Variants in MYH9 observed in about 807,000 individuals in gnomAD.
MYH9 encodes the protein myosin heavy chain 9.
MYH9 carries 29 observed loss-of-function variants against 241.9 expected under a neutral mutation model. That is an observed-to-expected ratio of 0.12 (90% CI 0.09 to 0.16). The LOEUF (loss-of-function observed/expected upper bound fraction) is 0.16. Ranked by LOEUF, MYH9 falls within the 10% of genes least tolerant of loss-of-function variation. The pLI, the probability that MYH9 is intolerant of heterozygous loss-of-function variation, is 1.00. For missense variants in MYH9, 1,803 were observed against 2,595.5 expected (o/e 0.69, Z 6.63); for synonymous variants, 1,047 against 1,062.6 (o/e 0.99, Z 0.29).
At chr22:36,371,725 C>G (rs1051021528) in intron 1 of MYH9, among the ~76,000 whole-genome samples, 1 of 151,910 alleles carries the variant, frequency 6.6e-6, no homozygotes, top group Non-Finnish European at 1.5e-5. Flanking sequence ...TTAGTAGAGA[C>G]GGTTTCACCA....
intron 3 of MYH9, among the ~76,000 whole-genome samples, chr22:36,335,167 T>C (rs2017479305): frequency 6.6e-6 from 1 of 152,164 alleles, no homozygotes; most frequent in African/African-American, 2.4e-5. Context: ...TGCCTGTCTC[T>C]GAGCACGAAA....
At chr22:36,284,314 G>T in intron 39 of MYH9, 49 bp from the exon 40 acceptor site, 1 of 1,603,452 alleles carries the variant, frequency 6.2e-7, no homozygotes. Context: ...GGCTCTGGGC[G>T]TGCAGCCAGT....
In MYH9 at chr22:36,346,469, C is replaced by G. The variant is rs746272198; in HGVS notation, c.333+2435G>C. ...CACACAGAAAATTAAACGGCTGACC[C>G]TTTCAGAGCTGCTGTCTCTGTAACA... On this transcript the variant is annotated intron_variant, in intron 2 of 40. Transcript: ENST00000216181. Among the ~76,000 whole-genome samples the G allele has an allele frequency of 4.6e-5, 7 of 152,306 alleles. No homozygotes were observed. In the South Asian group the frequency reaches 1.2e-3, roughly 27 times the overall value.
intron 15 of MYH9, 29 bp downstream of exon 15, chr22:36,309,253 A>C (rs1171102000): frequency 6.3e-7 from 1 of 1,578,604 alleles, no homozygotes; most frequent in Admixed American, 1.7e-5. Flanking sequence ...AGCCAAGAGG[A>C]GGCAGGGGGC....
intron 13 of MYH9, 57 bp from the exon 14 acceptor site, chr22:36,312,279 C>A: frequency 6.3e-7 from 1 of 1,587,850 alleles, no homozygotes. Context: ...GCACCCCACC[C>A]TTCAAGAAGC....
At chr22:36,291,921 C>A (rs2146335160) in intron 31 of MYH9, 65 bp downstream of exon 31, 1 of 1,611,042 alleles carries the variant, frequency 6.2e-7, no homozygotes, top group East Asian at 2.2e-5. Flanking sequence ...TCTGATGGGC[C>A]CTTTGCTTTG....
At chr22:36,322,038 T>C (rs1305860754) in intron 6 of MYH9, 2 of 600,540 alleles carry the variant, frequency 3.3e-6, no homozygotes, top group Non-Finnish European at 5.9e-6. Context: ...GCCATGAGCC[T>C]GAGACAAGCT....
intron 1 of MYH9, among the ~76,000 whole-genome samples, chr22:36,379,849 T>C (rs1220520744): frequency 1.3e-5 from 2 of 152,234 alleles, no homozygotes; most frequent in Non-Finnish European, 2.9e-5. Flanking sequence ...GGGCCTTCTC[T>C]GGGGACACCT....
chr22:36,323,828 C>A (rs1474651940), intron 5 of MYH9, among the ~76,000 whole-genome samples: 1 of 152,198 alleles, frequency 6.6e-6, no homozygotes, highest in Admixed American at 6.5e-5. Flanking sequence ...TAGTGCCCGC[C>A]CCTGAAGGAG....
chr22:36,341,509 G>A lies in MYH9; in HGVS notation c.351C>T (p.Phe117=), dbSNP rs1297708196. The part of the protein sequence containing the change: ...SGLIYTYSGL[F]CVVINPYKNL... The stretch of plus-strand genomic sequence containing the variant: ...TCTTGTAAGGATTGATGACCACACA[G>A]AACAGGCCTGAATAGGTCTAAAGAA... The change falls in exon 3 of 41, where the codon TTC becomes TTT. Residue 117 remains phenylalanine, a synonymous_variant. Coordinates refer to ENST00000216181, the MANE Select transcript of MYH9 (RefSeq NM_002473.6). 1.9e-6 allele frequency: 3 copies of A among 1,614,024 alleles called. No homozygotes were observed. The highest frequency in any genetic ancestry group is 2.2e-5 in the East Asian group (1 of 44,894).
At chr22:36,341,226 G>T (rs548567739) in intron 3 of MYH9, 144 bp downstream of exon 3, 25 of 970,200 alleles carry the variant, frequency 2.6e-5, no homozygotes, top group Non-Finnish European at 4.0e-5. Flanking sequence ...CTTTCATACA[G>T]AGGTCTACAG....
At position 36,306,353 on chromosome 22, in the gene MYH9, C is replaced by A. The variant is rs911345454; in HGVS notation, c.2037+61G>T. 16 of 1,599,992 alleles carry A rather than the reference C, an allele frequency of 1.0e-5. No individual in the cohort carries two copies. The highest frequency in any genetic ancestry group is 2.2e-5 in the East Asian group (1 of 44,590). Reference sequence around the variant, plus strand: ...GGGGTGCTTTTGCTGGGGAGACAGACAAGGGCTGAGCACCCCACACCACAG... The same window carrying A: ...GGGGTGCTTTTGCTGGGGAGACAGAAAAGGGCTGAGCACCCCACACCACAG... On this transcript the variant is annotated intron_variant, in intron 16 of 40. Transcript: ENST00000216181. The surrounding 1 kb of genome is among the most constrained non-coding windows in gnomAD (Gnocchi z 4.1).
intron 1 of MYH9, among the ~76,000 whole-genome samples, chr22:36,366,440 C>T (rs1159743321): frequency 6.6e-6 from 1 of 152,030 alleles, no homozygotes; most frequent in African/African-American, 2.4e-5. Context: ...GCTGTAGCAA[C>T]CCAATCACCT....
intron 1 of MYH9, among the ~76,000 whole-genome samples, chr22:36,384,270 AAAAC>A (rs1386197196): frequency 1.6e-4 from 24 of 146,772 alleles, no homozygotes; most frequent in East Asian, 8.1e-4. Context: ...CTCATCTCAA[AAAAC>A]AAACAAACAA....
Position 36,298,928 on chromosome 22 carries a change from C to A in MYH9, c.3091G>T (p.Asp1031Tyr). 1 of 1,614,030 alleles carries A rather than the reference C, an allele frequency of 6.2e-7. No homozygotes were observed. Among genetic ancestry groups the A allele is most frequent in the South Asian group, 1.1e-5 (1 of 91,062 alleles). Residue 1031 changes from aspartate to tyrosine, a missense_variant, in exon 24 of 41, where the codon GAC becomes TAC. Transcript: ENST00000216181. Reference protein sequence around the residue: ...LKNKHEAMITDLEERLRREEK... With the variant: ...LKNKHEAMITYLEERLRREEK... ...CTCGTCACCCCCTCACCTTCCAAGT[C>A]AGTGATCATTGCCTCATGCTTGTTC...
At chr22:36,323,366 T>C (rs1246483525) in intron 5 of MYH9, among the ~76,000 whole-genome samples, 1 of 152,216 alleles carries the variant, frequency 6.6e-6, no homozygotes, top group East Asian at 1.9e-4. Context: ...TCTTCGCACC[T>C]GTGCAACAGG....
Position 36,284,275 on chromosome 22 carries a change from T to TG in MYH9, c.5593-11dup, listed in dbSNP as rs1318350368. 1 of 1,608,436 alleles carries TG rather than the reference T, an allele frequency of 6.2e-7. No individual in the cohort carries two copies. Among genetic ancestry groups the TG allele is most frequent in the Non-Finnish European group, 8.5e-7 (1 of 1,178,934 alleles). ...TAGATGCCTTGTCGGCCTGCGGAGA[T>TG]GGACGTGTGGCCCGTGGCCCCGGTT... On this transcript the variant is annotated splice_polypyrimidine_tract_variant and intron_variant, in intron 39 of 40. Transcript: ENST00000216181.
At position 36,285,280 on chromosome 22, in the gene MYH9, T is replaced by C; in HGVS notation, c.5324A>G (p.Lys1775Arg). The change falls in exon 38 of 41, where the codon AAG becomes AGG. Residue 1775 changes from lysine (K) to arginine (R), a missense_variant. Physicochemically the swap from Lys to Arg is conservative, Grantham distance 26. Transcript: ENST00000216181. The surrounding 1 kb of genome is among the most constrained non-coding windows in gnomAD (Gnocchi z 7.0). The part of the protein sequence containing the change: ...DLNLERSHAQ[K>R]NENARQQLER... ...CAGCTGCTGCCGAGCATTCTCGTTC[T>C]TCTGGGCGTGGCTGCGCTCCAGGTT... The C allele has an allele frequency of 1.2e-6, 2 of 1,613,846 alleles. No individual in the cohort carries two copies. Among genetic ancestry groups the C allele is most frequent in the Non-Finnish European group, 1.7e-6 (2 of 1,180,030 alleles).
Position 36,299,047 on chromosome 22 carries a change from G to A in MYH9, c.2977-5C>T, listed in dbSNP as rs2016833244. 2 of 1,613,848 alleles carry A rather than the reference G, an allele frequency of 1.2e-6. No individual in the cohort carries two copies. Among genetic ancestry groups the A allele is most frequent in the African/African-American group, 1.3e-5 (1 of 74,886 alleles). On this transcript the variant is annotated splice_region_variant and splice_polypyrimidine_tract_variant and intron_variant, in intron 23 of 40. Coordinates refer to ENST00000216181, the MANE Select transcript of MYH9 (RefSeq NM_002473.6). ...GTCTTCCAGCAGTTTCTTTTCCTGG[G>A]GAGAGGGGAGTAGGCTGGCATTTAG...
Sources: allele counts gnomAD v4.1 joint callset (sites outside exome capture counted in the v4.1 genomes callset), GRCh38; gene constraint gnomAD v4.1.1; non-coding constraint Gnocchi (gnomAD v3.1); transcripts MANE v1.5; gene names NCBI Gene and HGNC (gene_info 2026-07-23, HGNC 2026-07-21).